Variants in ZFHX3 observed in about 807,000 individuals in gnomAD.
ZFHX3 encodes zinc finger homeobox 3, also known as zinc finger homeobox protein 3.
ZFHX3 carries 42 observed loss-of-function variants against 279.1 expected under a neutral mutation model. The observed-to-expected ratio is 0.15, with a 90% CI of 0.12 to 0.19. The LOEUF (loss-of-function observed/expected upper bound fraction) is 0.19. Among genes scored for constraint, ZFHX3 ranks in the 10% least tolerant of loss-of-function variants. The pLI is 1.00. For synonymous variants in ZFHX3, 2,293 were observed against 1,957.8 expected, an observed-to-expected ratio of 1.17 and a Z score of -4.52; for missense variants, 4,981 against 4,754.0, an observed-to-expected ratio of 1.05 and a Z score of -1.40.
intron 4 of ZFHX3, among the ~76,000 whole-genome samples, chr16:72,848,266 A>G: frequency 6.6e-6 from 1 of 151,970 alleles, no homozygotes; most frequent in Admixed American, 6.6e-5. Context: ...CTAAATCATT[A>G]ACCTTTCTCG....
chr16:73,493,985 G>C (rs1277605968), intron 2 of ZFHX3, among the ~76,000 whole-genome samples: 2 of 152,042 alleles, frequency 1.3e-5, no homozygotes, highest in African/African-American at 2.4e-5. Context: ...CCCCAGAGTG[G>C]CTTCTTTCTT....
intron 2 of ZFHX3, among the ~76,000 whole-genome samples, chr16:73,566,898 C>T (rs899435809): frequency 6.6e-6 from 1 of 152,254 alleles, no homozygotes. Context: ...GGGGTTTCTC[C>T]ATGTTGGTCA....
chr16:73,186,585 T>G (rs1967914856), intron 5 of ZFHX3, among the ~76,000 whole-genome samples: 1 of 151,882 alleles, frequency 6.6e-6, no homozygotes, highest in South Asian at 2.1e-4. Context: ...TCAAAACACT[T>G]AACTCCTATT....
intron 5 of ZFHX3, among the ~76,000 whole-genome samples, chr16:73,170,543 C>G (rs970940615): frequency 5.9e-5 from 9 of 152,060 alleles, no homozygotes; most frequent in Admixed American, 5.9e-4. Flanking sequence ...ACTAGTTACT[C>G]TGATGCAGGT....
At chr16:73,384,663 G>A (rs542338545) in intron 3 of ZFHX3, among the ~76,000 whole-genome samples, 57 of 152,310 alleles carry the variant, frequency 3.7e-4, no homozygotes, top group African/African-American at 1.3e-3. Context: ...CTTACTGATA[G>A]GAGCCTAGCA....
At chr16:73,540,108 T>C (rs564621916) in intron 2 of ZFHX3, among the ~76,000 whole-genome samples, 1 of 152,352 alleles carries the variant, frequency 6.6e-6, no homozygotes, top group Admixed American at 6.5e-5. Flanking sequence ...ATTGTCATAA[T>C]GTTTCATGAA....
intron 2 of ZFHX3, among the ~76,000 whole-genome samples, chr16:73,528,165 C>T (rs578253296): frequency 2.0e-5 from 3 of 152,152 alleles, no homozygotes; most frequent in African/African-American, 4.8e-5. Context: ...TGGTTCTGTT[C>T]GTGGGAAGGG....
At chr16:73,526,292 A>G (rs1016383674) in intron 2 of ZFHX3, among the ~76,000 whole-genome samples, 1 of 152,226 alleles carries the variant, frequency 6.6e-6, no homozygotes, top group African/African-American at 2.4e-5. Flanking sequence ...TTAACGAGTG[A>G]CAGGCCCAAT....
chr16:72,933,568 A>G (rs1209726254), intron 3 of ZFHX3, among the ~76,000 whole-genome samples: 2 of 152,052 alleles, frequency 1.3e-5, no homozygotes, highest in African/African-American at 4.8e-5. Context: ...CCTTCTCTTT[A>G]TCCTGCTATC....
chr16:73,678,734 C>T (rs973746033), intron 2 of ZFHX3, among the ~76,000 whole-genome samples: 1 of 152,148 alleles, frequency 6.6e-6, no homozygotes, highest in Non-Finnish European at 1.5e-5. Flanking sequence ...TTACACAGAA[C>T]TGTATATATT....
chr16:73,775,524 T>C (rs951761766), intron 1 of ZFHX3, among the ~76,000 whole-genome samples: 2 of 152,136 alleles, frequency 1.3e-5, no homozygotes, highest in African/African-American at 4.8e-5. Context: ...TTGGAGGCAA[T>C]GCTATTTCCT....
At chr16:73,742,952 AT>A (rs565395440) in intron 1 of ZFHX3, among the ~76,000 whole-genome samples, 5 of 152,062 alleles carry the variant, frequency 3.3e-5, no homozygotes, top group African/African-American at 9.7e-5. Context: ...TCATCATCAA[AT>A]TTTTTTTAAA....
chr16:73,165,799 A>G (rs1264046137), intron 5 of ZFHX3, among the ~76,000 whole-genome samples: 1 of 152,186 alleles, frequency 6.6e-6, no homozygotes, highest in Non-Finnish European at 1.5e-5. Context: ...CTGGGATATC[A>G]AAGAAAAAGA....
intron 2 of ZFHX3, among the ~76,000 whole-genome samples, chr16:73,520,902 C>T (rs936238197): frequency 6.6e-6 from 1 of 152,124 alleles, no homozygotes; most frequent in Non-Finnish European, 1.5e-5. Flanking sequence ...AATATGTTGG[C>T]ACAGCTAATA....
chr16:72,934,894 C>T (rs967571393), intron 3 of ZFHX3, among the ~76,000 whole-genome samples: 10 of 152,140 alleles, frequency 6.6e-5, no homozygotes, highest in Admixed American at 5.2e-4. Flanking sequence ...GGCTAAGAGT[C>T]GCTGGATTAC....
At chr16:73,022,000 G>C (rs990884960) in intron 1 of ZFHX3, among the ~76,000 whole-genome samples, 1 of 152,066 alleles carries the variant, frequency 6.6e-6, no homozygotes, top group African/African-American at 2.4e-5. Flanking sequence ...TTCTCCGAAA[G>C]CCTTTCTTCA....
intron 3 of ZFHX3, among the ~76,000 whole-genome samples, chr16:73,356,174 C>T (rs992623086): frequency 2.0e-5 from 3 of 152,182 alleles, no homozygotes; most frequent in Admixed American, 6.5e-5. Context: ...AGTCACCCCC[C>T]GCCGACCATT....
At chr16:73,022,634 G>A (rs767380230) in intron 1 of ZFHX3, among the ~76,000 whole-genome samples, 15 of 152,054 alleles carry the variant, frequency 9.9e-5, no homozygotes, top group Non-Finnish European at 2.9e-5. Context: ...ACGGAGAACC[G>A]CTGAAACTGA....
At chr16:73,757,142 G>A (rs1358881851) in intron 1 of ZFHX3, among the ~76,000 whole-genome samples, 1 of 152,192 alleles carries the variant, frequency 6.6e-6, no homozygotes, top group Non-Finnish European at 1.5e-5. Flanking sequence ...CTGAAAGCCA[G>A]TAATGGGAAA....
Sources: gnomAD v4.1 joint callset for allele counts (sites outside exome capture counted in the v4.1 genomes callset) on GRCh38, gnomAD v4.1.1 for gene constraint, MANE v1.5 for transcripts, NCBI Gene and HGNC (gene_info 2026-07-23, HGNC 2026-07-21) for gene names.